IMMP2L: variants seen among roughly 807,000 people sequenced by gnomAD.
The protein encoded by IMMP2L is inner mitochondrial membrane peptidase subunit 2, also known as mitochondrial inner membrane protease subunit 2.
A neutral mutation model predicts 19.3 loss-of-function variants in IMMP2L; 18 were observed. The ratio of observed to expected loss-of-function variants is 0.93; its 90% CI spans 0.64 to 1.38. The LOEUF is 1.38. Ranked by LOEUF, IMMP2L falls within the 40% of genes most tolerant of loss-of-function variation. IMMP2L has a pLI of 0.00. For synonymous variants in IMMP2L, 76 were observed against 73.0 expected (o/e 1.04, Z -0.21); for missense variants, 233 against 218.2 (o/e 1.07, Z -0.43).
At chr7:110,822,145 T>C (rs1382245135) in intron 5 of IMMP2L, among the ~76,000 whole-genome samples, 1 of 152,122 alleles carries the variant, frequency 6.6e-6, no homozygotes, top group Non-Finnish European at 1.5e-5. Context: ...TTCTCCTAAA[T>C]TCTTTCTTCT....
chr7:111,122,178 A>T (rs1267646471), intron 3 of IMMP2L, among the ~76,000 whole-genome samples: 1 of 152,058 alleles, frequency 6.6e-6, no homozygotes, highest in Admixed American at 6.6e-5. Flanking sequence ...CATATGTAAC[A>T]AACCTGCACG....
At chr7:111,419,914 G>A (rs1262668889) in intron 3 of IMMP2L, among the ~76,000 whole-genome samples, 1 of 151,806 alleles carries the variant, frequency 6.6e-6, no homozygotes, top group East Asian at 1.9e-4. Flanking sequence ...TCCAGACACT[G>A]GAAGTAGTGG....
intron 3 of IMMP2L, among the ~76,000 whole-genome samples, chr7:111,339,880 C>G (rs951233632): frequency 2.6e-5 from 4 of 151,904 alleles, no homozygotes; most frequent in Non-Finnish European, 5.9e-5. Context: ...AAAGCCATAT[C>G]AAATAAGGAT....
intron 1 of IMMP2L, among the ~76,000 whole-genome samples, chr7:111,523,937 C>G (rs1283794329): frequency 1.3e-5 from 2 of 152,024 alleles, no homozygotes; most frequent in Non-Finnish European, 2.9e-5. Context: ...CGTCTTTTGC[C>G]TAGAATCAAA....
rs770793586 is a variant in IMMP2L at position 111,556,031 on chromosome 7, TATATAC to T, written c.-3+5814_-3+5819del. 4.9e-4 allele frequency among the ~76,000 whole-genome samples: 65 copies of T among 133,224 alleles called. 8 individuals are homozygous for T. Among genetic ancestry groups the T allele is most frequent in the East Asian group, 1.2e-3 (5 of 4,338 alleles). The allele number at this position is 133,224 out of a possible 152,430, so 87.4% of individuals were successfully genotyped here. On this transcript the variant is annotated intron_variant, in intron 1 of 5. Coordinates refer to ENST00000405709, the MANE Select transcript of IMMP2L (RefSeq NM_032549.4). ...TTCTGTGTGCATGTATATATATATA[TATATAC>T]ATACCCAAAGAAAATGAAACCGCAA... is the stretch of plus-strand genomic sequence containing the variant.
chr7:111,371,699 G>T (rs1830276203), intron 3 of IMMP2L, among the ~76,000 whole-genome samples: 1 of 150,266 alleles, frequency 6.7e-6, no homozygotes, highest in Admixed American at 6.6e-5. Context: ...AGGCACAAAA[G>T]TAAAGTAAAC....
intron 3 of IMMP2L, among the ~76,000 whole-genome samples, chr7:111,347,592 G>T (rs767357961): frequency 3.3e-5 from 5 of 152,046 alleles, no homozygotes; most frequent in Non-Finnish European, 5.9e-5. Context: ...AAGAGGAACA[G>T]TAGGAAAGAG....
intron 5 of IMMP2L, among the ~76,000 whole-genome samples, chr7:110,698,579 G>C (rs1296308825): frequency 1.3e-5 from 2 of 152,138 alleles, no homozygotes; most frequent in Non-Finnish European, 2.9e-5. Context: ...CTGGAGCTCA[G>C]CAGCAGCCAT....
At chr7:111,173,734 G>T (rs547448064) in intron 3 of IMMP2L, among the ~76,000 whole-genome samples, 3 of 151,632 alleles carry the variant, frequency 2.0e-5, no homozygotes, top group South Asian at 2.1e-4. Flanking sequence ...TATATTATCA[G>T]AAAAACACAC....
chr7:110,794,286 T>C (rs1003953201), intron 5 of IMMP2L, among the ~76,000 whole-genome samples: 4 of 152,104 alleles, frequency 2.6e-5, no homozygotes, highest in African/African-American at 9.7e-5. Context: ...TAGTAAACTG[T>C]GGTACATACA....
At chr7:111,256,853 C>CA (rs1816751618) in intron 3 of IMMP2L, among the ~76,000 whole-genome samples, 1 of 151,846 alleles carries the variant, frequency 6.6e-6, no homozygotes, top group Non-Finnish European at 1.5e-5. Context: ...CTCTAAAAGA[C>CA]AAAAAACGCA....
intron 3 of IMMP2L, among the ~76,000 whole-genome samples, chr7:111,336,855 A>G (rs1354351020): frequency 6.7e-6 from 1 of 149,454 alleles, no homozygotes; most frequent in African/African-American, 2.5e-5. Flanking sequence ...TTTTTTTTAG[A>G]ATTTTGGTAC....
intron 3 of IMMP2L, among the ~76,000 whole-genome samples, chr7:111,406,638 C>T (rs1292411804): frequency 1.3e-5 from 2 of 152,018 alleles, no homozygotes; most frequent in African/African-American, 2.4e-5. Context: ...AAAAGTTTCC[C>T]CCAACTTATC....
intron 4 of IMMP2L, among the ~76,000 whole-genome samples, chr7:110,926,079 C>G (rs909395079): frequency 3.3e-5 from 5 of 151,914 alleles, no homozygotes; most frequent in Admixed American, 3.3e-4. Flanking sequence ...TGTATATTTT[C>G]TAAGAGGCTA....
intron 5 of IMMP2L, among the ~76,000 whole-genome samples, chr7:110,703,432 C>G (rs1025696400): frequency 3.3e-5 from 5 of 151,988 alleles, no homozygotes; most frequent in African/African-American, 1.2e-4. Context: ...AGATGTCAAG[C>G]CAATTCTTGG....
chr7:110,939,482 C>T (rs1035609468), intron 4 of IMMP2L, among the ~76,000 whole-genome samples: 9 of 151,410 alleles, frequency 5.9e-5, no homozygotes, highest in Admixed American at 5.9e-4. Context: ...TGCTGTGGCA[C>T]GAAGTCTGTT....
At chr7:111,548,996 T>G (rs1031750889) in intron 1 of IMMP2L, among the ~76,000 whole-genome samples, 1 of 152,160 alleles carries the variant, frequency 6.6e-6, no homozygotes, top group Non-Finnish European at 1.5e-5. Flanking sequence ...GTAATAAATA[T>G]GATTAAGACC....
At chr7:111,152,171 C>A (rs965860392) in intron 3 of IMMP2L, among the ~76,000 whole-genome samples, 1 of 152,064 alleles carries the variant, frequency 6.6e-6, no homozygotes, top group African/African-American at 2.4e-5. Flanking sequence ...TTTTACTAGA[C>A]TCTTCACTAT....
chr7:111,016,683 A>T (rs1825623104), intron 3 of IMMP2L, among the ~76,000 whole-genome samples: 1 of 104,710 alleles, frequency 9.6e-6, no homozygotes, highest in Admixed American at 1.4e-4. Flanking sequence ...ATAATATATA[A>T]ATTATATTTC....
Sources: allele counts gnomAD v4.1 joint callset (sites outside exome capture counted in the v4.1 genomes callset), GRCh38; gene constraint gnomAD v4.1.1; transcripts MANE v1.5; gene names NCBI Gene and HGNC (gene_info 2026-07-23, HGNC 2026-07-21).